ETV6: variants seen among roughly 807,000 people sequenced by gnomAD.
ETV6 encodes the protein transcription factor ETV6.
Under a neutral mutation model 51.1 loss-of-function variants are expected in ETV6, and 16 were observed. The ratio of observed to expected loss-of-function variants is 0.31; its 90% confidence interval spans 0.21 to 0.48. The LOEUF (loss-of-function observed/expected upper bound fraction) is 0.48, where lower values mean the gene tolerates loss of function less well. Among genes scored for constraint, ETV6 ranks in the 20% least tolerant of loss-of-function variants. ETV6 has a pLI of 0.99. For synonymous variants in ETV6, 240 were observed against 224.1 expected, an observed-to-expected ratio of 1.07 and a Z score of -0.64; for missense variants, 458 against 594.8, an observed-to-expected ratio of 0.77 and a Z score of 2.39.
chr12:11,821,479 T>A (rs1946080032), intron 2 of ETV6, among the ~76,000 whole-genome samples: 1 of 152,088 alleles, frequency 6.6e-6, no homozygotes, highest in African/African-American at 2.4e-5. Flanking sequence ...AACAGCAGAT[T>A]TAGATGAGTG....
At chr12:11,863,147 G>C (rs545483716) in intron 4 of ETV6, among the ~76,000 whole-genome samples, 2 of 152,114 alleles carry the variant, frequency 1.3e-5, no homozygotes, top group African/African-American at 4.8e-5. Context: ...GAAACTTATC[G>C]GTCAAAACTT....
intron 1 of ETV6, among the ~76,000 whole-genome samples, chr12:11,701,067 A>G (rs536618036): frequency 6.7e-6 from 1 of 148,864 alleles, no homozygotes; most frequent in East Asian, 2.0e-4. Flanking sequence ...TTATGTCCCT[A>G]TGTTTTTTTT....
intron 2 of ETV6, among the ~76,000 whole-genome samples, chr12:11,824,088 G>T (rs1340428691): frequency 1.3e-5 from 2 of 152,204 alleles, no homozygotes; most frequent in Non-Finnish European, 2.9e-5. Context: ...CACCAAAGGG[G>T]CTCTGTGTTT....
rs777976357 is a variant in ETV6 at position 11,839,233 on chromosome 12, C to T, written c.257C>T (p.Thr86Met). The change falls in exon 3 of 8, where the codon ACG (threonine) becomes ATG (methionine). Residue 86 changes from threonine (T) to methionine (M), a missense_variant. Transcript: ENST00000396373. ...EFSLRPIDSN[T>M]FEMNGKALLL... ...TCTTTAAGGCCAATTGACAGCAACA[C>T]GTTTGAAATGAATGGCAAAGCTCTC... The T allele has an allele frequency of 1.4e-5, 22 of 1,614,118 alleles. No individual in the cohort carries two copies. Among genetic ancestry groups the T allele is most frequent in the East Asian group, 4.5e-5 (2 of 44,896 alleles).
intron 1 of ETV6, among the ~76,000 whole-genome samples, chr12:11,707,810 TCTC>T (rs1334807409): frequency 1.3e-5 from 2 of 152,166 alleles, no homozygotes; most frequent in African/African-American, 2.4e-5. Flanking sequence ...CTCTGGTTCT[TCTC>T]CGTCCAGTGA....
Position 11,707,324 on chromosome 12 carries a change from G to T in ETV6, c.34-45126G>T, listed in dbSNP as rs73288740. Among the ~76,000 whole-genome samples, 1,306 of 152,324 alleles carry T rather than the reference G, an allele frequency of 8.6e-3. 19 individuals are homozygous for T. The highest frequency in any genetic ancestry group is 0.028 in the African/African-American group (1,184 of 41,558). On this transcript the variant is annotated intron_variant, in intron 1 of 7. Coordinates refer to ENST00000396373, the MANE Select transcript of ETV6 (RefSeq NM_001987.5). ...TGAGCAGGCTTGCTGTGGCAGGCAGGCTCACCTGCTAGAGGTGGTCTCCTG... is the reference window on the plus strand; with the variant it reads ...TGAGCAGGCTTGCTGTGGCAGGCAGTCTCACCTGCTAGAGGTGGTCTCCTG...
intron 2 of ETV6, among the ~76,000 whole-genome samples, chr12:11,785,845 C>G (rs1335776262): frequency 6.6e-6 from 1 of 152,146 alleles, no homozygotes; most frequent in Non-Finnish European, 1.5e-5. Context: ...TTGCCTACAC[C>G]CTTCACAATC....
chr12:11,885,881 T>C (rs1458523851), intron 6 of ETV6, 45 bp from the exon 7 acceptor site: 4 of 1,410,624 alleles, frequency 2.8e-6, no homozygotes, highest in Non-Finnish European at 3.0e-6. Flanking sequence ...TTCATTTCAT[T>C]GTGTCTTTGT....
chr12:11,885,419 G>A (rs1477729998), intron 6 of ETV6, among the ~76,000 whole-genome samples: 4 of 152,156 alleles, frequency 2.6e-5, no homozygotes, highest in South Asian at 2.1e-4. Context: ...CCATTGCCTC[G>A]GGCCCAGAAC....
chr12:11,729,772 C>T (rs763794296), intron 1 of ETV6, among the ~76,000 whole-genome samples: 2 of 152,086 alleles, frequency 1.3e-5, no homozygotes, highest in South Asian at 2.1e-4. Flanking sequence ...ACAAAACAAC[C>T]GTATCTTTAA....
intron 3 of ETV6, among the ~76,000 whole-genome samples, chr12:11,848,755 T>C (rs894288650): frequency 6.6e-6 from 1 of 152,356 alleles, no homozygotes; most frequent in East Asian, 1.9e-4. Context: ...GCTCACTAGC[T>C]TCATGGTACA....
chr12:11,893,174 A>G lies in ETV6; in HGVS notation c.*2128A>G, dbSNP rs1475259718. On this transcript the variant is annotated 3_prime_UTR_variant, in exon 8 of 8. Coordinates refer to ENST00000396373, the MANE Select transcript of ETV6 (RefSeq NM_001987.5). ...CTGGTATTCTATCTGAAATGCAGAG[A>G]TTAAGCCAAATACCTGATGTATTGT... 4.3e-6 allele frequency: 1 copy of G among 232,642 alleles called. No homozygotes were observed. Among genetic ancestry groups the G allele is most frequent in the Non-Finnish European group, 8.5e-6 (1 of 117,768 alleles). 14.4% of individuals were successfully genotyped at this position (232,642 alleles called of 1,614,324 possible). A position where few individuals can be genotyped will look rare whatever the true frequency, so the allele number is the denominator to read the frequency against.
intron 7 of ETV6, among the ~76,000 whole-genome samples, chr12:11,888,706 T>C (rs984362970): frequency 1.3e-5 from 2 of 152,082 alleles, no homozygotes; most frequent in Admixed American, 1.3e-4. Flanking sequence ...CCTGGCCAAC[T>C]TGTTTGTTTT....
chr12:11,836,706 C>T (rs1050391106), intron 2 of ETV6, among the ~76,000 whole-genome samples: 3 of 152,102 alleles, frequency 2.0e-5, no homozygotes, highest in Admixed American at 6.5e-5. Flanking sequence ...TTCTCACCCA[C>T]CTCCCTCCGT....
At chr12:11,762,859 T>G (rs1945109409) in intron 2 of ETV6, among the ~76,000 whole-genome samples, 1 of 152,094 alleles carries the variant, frequency 6.6e-6, no homozygotes, top group Non-Finnish European at 1.5e-5. Context: ...TGATGAGGGG[T>G]TTTATTTTTT....
chr12:11,819,284 C>T (rs56403725), intron 2 of ETV6, among the ~76,000 whole-genome samples: 8,777 of 152,162 alleles, frequency 0.058, 347 homozygotes, highest in Non-Finnish European at 0.085. Flanking sequence ...ATCTGCTGCC[C>T]GAAACTCTCC....
At chr12:11,733,015 C>T (rs1003867381) in intron 1 of ETV6, among the ~76,000 whole-genome samples, 1 of 152,138 alleles carries the variant, frequency 6.6e-6, no homozygotes, top group Non-Finnish European at 1.5e-5. Flanking sequence ...TTGGGAAGCC[C>T]GTTCTTTAAC....
chr12:11,748,360 C>T, intron 1 of ETV6, among the ~76,000 whole-genome samples: 1 of 152,234 alleles, frequency 6.6e-6, no homozygotes. Flanking sequence ...CTCAGTTCTG[C>T]AGCAGAGAAA....
At chr12:11,705,745 C>G (rs1266098130) in intron 1 of ETV6, among the ~76,000 whole-genome samples, 1 of 152,174 alleles carries the variant, frequency 6.6e-6, no homozygotes, top group African/African-American at 2.4e-5. Context: ...AAAGAATATT[C>G]CAAGGGAAAG....
Sources: gnomAD v4.1 joint callset for allele counts (sites outside exome capture counted in the v4.1 genomes callset) on GRCh38, gnomAD v4.1.1 for gene constraint, MANE v1.5 for transcripts, NCBI Gene and HGNC (gene_info 2026-07-23, HGNC 2026-07-21) for gene names.